The following CDH13 variants were observed in gnomAD, a reference collection of about 807,000 sequenced individuals.
CDH13 encodes the protein cadherin 13.
In CDH13, 24 loss-of-function variants were observed where a neutral mutation model predicts 63.8. The observed-to-expected ratio is 0.38, with a 90% CI of 0.27 to 0.53. The LOEUF (loss-of-function observed/expected upper bound fraction) is 0.53, where lower values mean the gene tolerates loss of function less well. Among genes scored for constraint, CDH13 ranks in the 20% least tolerant of loss-of-function variants. The probability of loss-of-function intolerance (pLI) is 0.85; values close to 1 mark genes in which losing one functional copy is unlikely to be tolerated. For synonymous variants in CDH13, 503 were observed against 355.3 expected, an observed-to-expected ratio of 1.42 and a Z score of -4.67; for missense variants, 1,049 against 903.1, an observed-to-expected ratio of 1.16 and a Z score of -2.07.
chr16:82,786,030 G>A (rs34271157), intron 1 of CDH13, among the ~76,000 whole-genome samples: 24,414 of 152,076 alleles, frequency 0.16, 2,424 homozygotes, highest in East Asian at 0.52. Flanking sequence ...AGAGAATGAT[G>A]GAGTGAGTGC....
At chr16:82,786,126 A>G (rs2035991453) in intron 1 of CDH13, among the ~76,000 whole-genome samples, 1 of 152,116 alleles carries the variant, frequency 6.6e-6, no homozygotes, top group African/African-American at 2.4e-5. Flanking sequence ...AGGGTGGAGC[A>G]GGTGATCAGA....
rs1567817140 is a variant in CDH13, at chr16:83,087,697, A to AAAAAAAAAAAAAAAC, written c.367-37688_367-37687insAAAAAAAAAAAAAAC. On this transcript the variant is annotated intron_variant, in intron 3 of 13. Transcript: ENST00000567109. Reference sequence around the variant, plus strand: ...AAAAAAAAAAAAAAAAAAAAAAAAAAGCCTAGCACCAAAGTATTAGCAAGT... The same window carrying AAAAAAAAAAAAAAAC: ...AAAAAAAAAAAAAAAAAAAAAAAAAAAAAAAAAAAAAAAACGCCTAGCACCAAAGTATTAGCAAGT... Among the ~76,000 whole-genome samples the AAAAAAAAAAAAAAAC allele has an allele frequency of 1.0e-3, 148 of 144,380 alleles. 4 individuals carry two copies. Among genetic ancestry groups the AAAAAAAAAAAAAAAC allele is most frequent in the African/African-American group, 3.6e-3 (133 of 37,290 alleles). 94.7% of individuals were successfully genotyped at this position (144,380 alleles called of 152,430 possible). A position where few individuals can be genotyped will look rare whatever the true frequency, so the allele number is the denominator to read the frequency against.
chr16:83,276,494 A>G (rs765604742), intron 5 of CDH13, among the ~76,000 whole-genome samples: 4 of 152,158 alleles, frequency 2.6e-5, no homozygotes, highest in Non-Finnish European at 5.9e-5. Context: ...AGGACTGGGC[A>G]ATTTACAAAA....
At position 82,835,154 on chromosome 16, in the gene CDH13, A is replaced by T. The variant is rs78348217; in HGVS notation, c.46-23208A>T. Among the ~76,000 whole-genome samples the T allele has an allele frequency of 1.9e-3, 288 of 152,346 alleles. 5 individuals carry two copies. Among genetic ancestry groups the T allele is most frequent in the Admixed American group, 0.017 (256 of 15,310 alleles). On this transcript the variant is annotated intron_variant, in intron 1 of 13. Coordinates refer to ENST00000567109, the MANE Select transcript of CDH13 (RefSeq NM_001257.5). ...AGAAATTGCGAATGAAATATTTTAC[A>T]TTCTTTTTTCATACCACGTCTTTAA...
At chr16:82,958,031 G>A (rs376625637) in intron 2 of CDH13, among the ~76,000 whole-genome samples, 2 of 152,188 alleles carry the variant, frequency 1.3e-5, no homozygotes, top group Admixed American at 6.5e-5. Context: ...GATGGCAGAG[G>A]TGGGTGAGGC....
intron 2 of CDH13, among the ~76,000 whole-genome samples, chr16:82,963,886 C>G (rs1314727339): frequency 6.6e-6 from 1 of 152,156 alleles, no homozygotes; most frequent in Non-Finnish European, 1.5e-5. Flanking sequence ...CACCGGAAAG[C>G]CAGGTCGGAG....
At chr16:83,106,298 G>A (rs910235349) in intron 3 of CDH13, among the ~76,000 whole-genome samples, 52 of 152,164 alleles carry the variant, frequency 3.4e-4, no homozygotes, top group African/African-American at 1.2e-3. Flanking sequence ...CCAGCACTTT[G>A]GGAGGCCAAG....
At chr16:83,431,349 T>C (rs1046438103) in intron 6 of CDH13, among the ~76,000 whole-genome samples, 1 of 151,826 alleles carries the variant, frequency 6.6e-6, no homozygotes, top group African/African-American at 2.4e-5. Flanking sequence ...TTAGAGTTCT[T>C]TTACGATCCT....
At chr16:83,366,069 T>C (rs1196555781) in intron 6 of CDH13, among the ~76,000 whole-genome samples, 1 of 152,190 alleles carries the variant, frequency 6.6e-6, no homozygotes, top group Non-Finnish European at 1.5e-5. Context: ...ACAATAGCAA[T>C]AGAAAACTAA....
intron 2 of CDH13, among the ~76,000 whole-genome samples, chr16:82,872,205 A>G (rs1030575682): frequency 1.3e-5 from 2 of 152,138 alleles, no homozygotes; most frequent in African/African-American, 2.4e-5. Flanking sequence ...CATACACACA[A>G]ATGGAAATGT....
chr16:82,645,966 C>T (rs1365160735), intron 1 of CDH13, among the ~76,000 whole-genome samples: 1 of 152,208 alleles, frequency 6.6e-6, no homozygotes, highest in African/African-American at 2.4e-5. Context: ...TGGGGGTTAT[C>T]TGTTCTATTA....
chr16:83,745,387 C>T (rs944836180), intron 10 of CDH13, among the ~76,000 whole-genome samples: 3 of 152,182 alleles, frequency 2.0e-5, no homozygotes, highest in African/African-American at 7.2e-5. Context: ...CAGACCGCCT[C>T]TGTGTGAATT....
chr16:83,273,097 A>G (rs1351148083), intron 5 of CDH13, among the ~76,000 whole-genome samples: 2 of 152,276 alleles, frequency 1.3e-5, no homozygotes, highest in Admixed American at 6.5e-5. Flanking sequence ...GCTGCTATCC[A>G]TTGAGCAGTC....
intron 5 of CDH13, among the ~76,000 whole-genome samples, chr16:83,290,926 G>T (rs2089451131): frequency 6.6e-6 from 1 of 152,172 alleles, no homozygotes; most frequent in Admixed American, 6.5e-5. Flanking sequence ...CATTTCTCAA[G>T]ATCTGGAGTT....
chr16:83,192,934 A>G (rs1453868831), intron 4 of CDH13, among the ~76,000 whole-genome samples: 2 of 152,122 alleles, frequency 1.3e-5, no homozygotes, highest in Non-Finnish European at 2.9e-5. Context: ...AACCACAGAA[A>G]CAATTTCTCT....
At chr16:82,970,658 C>G (rs978864096) in intron 2 of CDH13, among the ~76,000 whole-genome samples, 2 of 117,366 alleles carry the variant, frequency 1.7e-5, no homozygotes, top group African/African-American at 2.7e-5. Flanking sequence ...CTCGGCCTCC[C>G]AAAGTGCCAG....
At chr16:83,055,551 AG>A (rs1389069633) in intron 3 of CDH13, among the ~76,000 whole-genome samples, 1 of 151,038 alleles carries the variant, frequency 6.6e-6, no homozygotes, top group Non-Finnish European at 1.5e-5. Flanking sequence ...AGTGTACCAA[AG>A]CATACCAAAA....
At chr16:83,427,996 G>C (rs371137707) in intron 6 of CDH13, among the ~76,000 whole-genome samples, 14 of 152,150 alleles carry the variant, frequency 9.2e-5, no homozygotes, top group African/African-American at 3.1e-4. Flanking sequence ...CTGATCCTCT[G>C]GTCAGTTCCA....
intron 1 of CDH13, among the ~76,000 whole-genome samples, chr16:82,833,132 T>C (rs1420794877): frequency 1.3e-5 from 2 of 152,238 alleles, no homozygotes; most frequent in South Asian, 2.1e-4. Flanking sequence ...ACCAGTGAAC[T>C]CAGACCCGTC....
Sources: gnomAD v4.1 joint callset for allele counts (sites outside exome capture counted in the v4.1 genomes callset) on GRCh38, gnomAD v4.1.1 for gene constraint, MANE v1.5 for transcripts, NCBI Gene and HGNC (gene_info 2026-07-23, HGNC 2026-07-21) for gene names.